SPEF2: variants seen among roughly 807,000 people sequenced by gnomAD.
SPEF2 encodes the protein sperm flagellar and cilia associated 2, also known as sperm flagella and cilia-associated protein 2.
A neutral mutation model predicts 224.6 loss-of-function variants in SPEF2; 187 were observed. The observed-to-expected ratio is 0.83, with a 90% CI of 0.74 to 0.94. The LOEUF (loss-of-function observed/expected upper bound fraction) is 0.94. Ranked by LOEUF, SPEF2 falls within the 40% of genes least tolerant of loss-of-function variation. The pLI is 0.00. For synonymous variants in SPEF2, 715 were observed against 707.3 expected (o/e 1.01, Z -0.17); for missense variants, 2,170 against 2,135.6 (o/e 1.02, Z -0.32).
chr5:35,741,275 G>T (rs1747591940), intron 23 of SPEF2, among the ~76,000 whole-genome samples: 1 of 152,200 alleles, frequency 6.6e-6, no homozygotes, highest in South Asian at 2.1e-4. Context: ...TGTAAACAGT[G>T]GCTGTGGAAA....
chr5:35,801,428 A>T (rs1274308642), intron 34 of SPEF2, among the ~76,000 whole-genome samples: 4 of 151,998 alleles, frequency 2.6e-5, no homozygotes, highest in Non-Finnish European at 4.4e-5. Flanking sequence ...CTGGAGAATT[A>T]CTTGAACCTG....
chr5:35,631,985 G>C (rs1298511563), intron 2 of SPEF2, among the ~76,000 whole-genome samples: 12 of 152,162 alleles, frequency 7.9e-5, no homozygotes. Context: ...GGACTTCATT[G>C]TCCGTATCAC....
chr5:35,740,554 A>T (rs1303315421), intron 23 of SPEF2, among the ~76,000 whole-genome samples: 1 of 152,162 alleles, frequency 6.6e-6, no homozygotes, highest in African/African-American at 2.4e-5. Flanking sequence ...TTTGTGGGTC[A>T]ATGTAACTGT....
chr5:35,745,918 T>C (rs919526821), intron 23 of SPEF2, among the ~76,000 whole-genome samples: 1 of 152,140 alleles, frequency 6.6e-6, no homozygotes, highest in Non-Finnish European at 1.5e-5. Flanking sequence ...ATGGAGTCCA[T>C]TGCACTCCCT....
intron 20 of SPEF2, among the ~76,000 whole-genome samples, chr5:35,724,610 C>T (rs1183338294): frequency 2.6e-5 from 4 of 152,130 alleles, no homozygotes; most frequent in African/African-American, 7.2e-5. Context: ...CCCGCCTAGA[C>T]TGAAATTCTA....
chr5:35,788,003 G>A (rs1305079591), intron 30 of SPEF2: 2 of 686,576 alleles, frequency 2.9e-6, no homozygotes, highest in Non-Finnish European at 5.3e-6. Context: ...TATATATGAT[G>A]AGCTATTAAA....
In SPEF2 at chr5:35,753,188, G is replaced by T. The variant is rs58963957; in HGVS notation, c.3331-436G>T. On this transcript the variant is annotated intron_variant, in intron 23 of 36. Coordinates refer to ENST00000356031, the MANE Select transcript of SPEF2 (RefSeq NM_024867.4). Reference sequence around the variant, plus strand: ...GACAACATTTTTTGGTGAACAATATGTTCCACCTGTAGTATTAATTAACAA... The same window carrying T: ...GACAACATTTTTTGGTGAACAATATTTTCCACCTGTAGTATTAATTAACAA... Among the ~76,000 whole-genome samples, 728 of 151,972 alleles carry T rather than the reference G, an allele frequency of 4.8e-3. 8 individuals carry two copies. Among genetic ancestry groups the T allele is most frequent in the African/African-American group, 0.016 (680 of 41,456 alleles).
In SPEF2 at chr5:35,704,644, G is replaced by A; in HGVS notation, c.2489G>A (p.Arg830Lys). 2.5e-6 allele frequency: 4 copies of A among 1,607,870 alleles called. No individual in the cohort carries two copies. The highest frequency in any genetic ancestry group is 3.4e-6 in the Non-Finnish European group (4 of 1,174,896). The stretch of plus-strand genomic sequence containing the variant: ...GATAAGGATGGAGACCAAAATTTAA[G>A]AGACCAGATACAACATAGGTTAGTT... Reference protein sequence around the residue: ...NQDKDGDQNLRDQIQHRIIGF... With the variant: ...NQDKDGDQNLKDQIQHRIIGF... The change falls in exon 17 of 37, where the codon AGA becomes AAA. Residue 830 changes from arginine (R) to lysine (K), a missense_variant. Physicochemically the swap from Arg to Lys is conservative, Grantham distance 26. Transcript: ENST00000356031.
In SPEF2 at chr5:35,806,811, GA is replaced by G; in HGVS notation, c.5117del (p.Lys1706ArgfsTer39). 6.2e-7 allele frequency: 1 copy of G among 1,613,956 alleles called. No homozygotes were observed. The highest frequency in any genetic ancestry group is 8.5e-7 in the Non-Finnish European group (1 of 1,179,920). On this transcript the variant is annotated frameshift_variant, in exon 35 of 37. Coordinates refer to ENST00000356031, the MANE Select transcript of SPEF2 (RefSeq NM_024867.4). LOFTEE classifies it high-confidence loss of function. ...AAGACGACACGGAGAAAAGGGAACA[GA>G]AGGATGAAGAAATCCCTGAAAATGC... is the stretch of plus-strand genomic sequence containing the variant. ...LKDDTEKREQ[K>X]DEEIPENANN...
At chr5:35,625,321 A>G (rs754994391) in intron 1 of SPEF2, among the ~76,000 whole-genome samples, 35 of 152,342 alleles carry the variant, frequency 2.3e-4, no homozygotes, top group Admixed American at 1.2e-3. Context: ...ATGCCATTTC[A>G]AAGGAAATGG....
intron 7 of SPEF2, among the ~76,000 whole-genome samples, chr5:35,657,837 C>G (rs192981594): frequency 2.0e-5 from 3 of 152,326 alleles, no homozygotes; most frequent in East Asian, 1.9e-4. Flanking sequence ...TTCTAAGAAT[C>G]TTTTCTATGC....
intron 1 of SPEF2, among the ~76,000 whole-genome samples, chr5:35,618,646 A>C (rs190564564): frequency 9.7e-4 from 148 of 152,246 alleles, no homozygotes; most frequent in African/African-American, 3.4e-3. Context: ...AACATTTACA[A>C]ATTTTAGTAA....
intron 2 of SPEF2, among the ~76,000 whole-genome samples, chr5:35,629,670 A>G (rs1744806418): frequency 6.6e-6 from 1 of 152,096 alleles, no homozygotes; most frequent in African/African-American, 2.4e-5. Flanking sequence ...TAATATATTC[A>G]CATATTTAGT....
chr5:35,686,574 T>C (rs1421776261), intron 10 of SPEF2, among the ~76,000 whole-genome samples: 1 of 152,110 alleles, frequency 6.6e-6, no homozygotes, highest in African/African-American at 2.4e-5. Flanking sequence ...ATTACAGCAA[T>C]TTTGGACACT....
Position 35,795,739 on chromosome 5 carries a change from A to C in SPEF2, c.4774A>C (p.Ile1592Leu), listed in dbSNP as rs139147938. Residue 1592 changes from isoleucine (I) to leucine (L), a missense_variant, in exon 33 of 37, where the codon ATT (isoleucine) becomes CTT (leucine). Coordinates refer to ENST00000356031, the MANE Select transcript of SPEF2 (RefSeq NM_024867.4). ...LWFTGDEDIK[I>L]PENPLEPLPF... is the part of the protein sequence containing the mutation. Reference sequence around the variant, plus strand: ...GTTTACAGGAGATGAAGATATAAAAATTCCAGAAAATCCTCTTGAACCCCT... The same window carrying C: ...GTTTACAGGAGATGAAGATATAAAACTTCCAGAAAATCCTCTTGAACCCCT... The C allele has an allele frequency of 6.2e-6, 10 of 1,614,064 alleles. No homozygotes were observed. The highest frequency in any genetic ancestry group is 8.5e-6 in the Non-Finnish European group (10 of 1,179,928).
chr5:35,649,544 T>A, intron 6 of SPEF2, 119 bp downstream of exon 6: 1 of 706,140 alleles, frequency 1.4e-6, no homozygotes, highest in East Asian at 2.8e-5. Context: ...CTCCAAAGAA[T>A]CTTGATTCAG....
At chr5:35,742,560 T>A (rs1316237535) in intron 23 of SPEF2, among the ~76,000 whole-genome samples, 1 of 151,968 alleles carries the variant, frequency 6.6e-6, no homozygotes. Context: ...TCTTTGCCAA[T>A]TTAATGGGTA....
intron 30 of SPEF2, among the ~76,000 whole-genome samples, chr5:35,780,163 A>G (rs1341177246): frequency 6.6e-6 from 1 of 152,186 alleles, no homozygotes; most frequent in African/African-American, 2.4e-5. Flanking sequence ...TCATAAGCAG[A>G]TTTCTTTTAC....
intron 18 of SPEF2, among the ~76,000 whole-genome samples, chr5:35,706,750 C>G (rs997461719): frequency 6.6e-6 from 1 of 152,078 alleles, no homozygotes; most frequent in Non-Finnish European, 1.5e-5. Flanking sequence ...CCATGGAAAT[C>G]CAGGAGCTCA....
Sources: allele counts gnomAD v4.1 joint callset (sites outside exome capture counted in the v4.1 genomes callset), GRCh38; gene constraint gnomAD v4.1.1; transcripts MANE v1.5; gene names NCBI Gene and HGNC (gene_info 2026-07-23, HGNC 2026-07-21).